Variants in ALDH1A2 observed in about 807,000 individuals in gnomAD.
ALDH1A2 encodes the protein aldehyde dehydrogenase 1 family member A2.
In ALDH1A2, 27 loss-of-function variants were observed where a neutral mutation model predicts 60.3. That is an observed-to-expected ratio of 0.45 (90% confidence interval 0.33 to 0.62). The LOEUF (loss-of-function observed/expected upper bound fraction) is 0.62, where lower values mean the gene tolerates loss of function less well. Among genes scored for constraint, ALDH1A2 ranks in the 20% least tolerant of loss-of-function variants. The pLI is 0.02. For missense variants in ALDH1A2, 581 were observed against 643.8 expected (o/e 0.90, Z 1.06); for synonymous variants, 289 against 232.4 (o/e 1.24, Z -2.21).
intron 1 of ALDH1A2, among the ~76,000 whole-genome samples, chr15:58,025,739 G>T (rs571117103): frequency 1.3e-5 from 2 of 152,170 alleles, no homozygotes; most frequent in Non-Finnish European, 2.9e-5. Context: ...TGAGAAGTAG[G>T]GTGCCAGCAT....
At chr15:57,962,264 T>G (rs1056020715) in intron 9 of ALDH1A2, 88 bp from the exon 10 acceptor site, 8 of 1,529,916 alleles carry the variant, frequency 5.2e-6, no homozygotes, top group Non-Finnish European at 6.3e-6. Flanking sequence ...CATTTTAGGG[T>G]TTTTTTCAAA....
chr15:58,052,736 A>G (rs1161299381), intron 1 of ALDH1A2, among the ~76,000 whole-genome samples: 3 of 152,186 alleles, frequency 2.0e-5, no homozygotes, highest in Non-Finnish European at 4.4e-5. Flanking sequence ...TAAGTGACAG[A>G]GCTGGGGTCA....
chr15:58,013,629 G>T (rs184885536), intron 3 of ALDH1A2, among the ~76,000 whole-genome samples: 1 of 152,096 alleles, frequency 6.6e-6, no homozygotes, highest in Non-Finnish European at 1.5e-5. Context: ...GCACGTGCAC[G>T]TAATCCCAGC....
chr15:58,005,082 G>T (rs1895405211), intron 4 of ALDH1A2, among the ~76,000 whole-genome samples: 1 of 151,690 alleles, frequency 6.6e-6, no homozygotes, highest in Non-Finnish European at 1.5e-5. Context: ...CCAGACTTGG[G>T]GCTCTACTGT....
chr15:58,061,598 A>AAAAAAG (rs1897035907), intron 1 of ALDH1A2, among the ~76,000 whole-genome samples: 7 of 143,344 alleles, frequency 4.9e-5, no homozygotes, highest in South Asian at 2.2e-4. Context: ...CTTCCCTCAA[A>AAAAAAG]AAAAAAAAAA....
chr15:58,040,572 C>G (rs1039690638), intron 1 of ALDH1A2, among the ~76,000 whole-genome samples: 1 of 151,838 alleles, frequency 6.6e-6, no homozygotes, highest in African/African-American at 2.4e-5. Flanking sequence ...GATGTAAATC[C>G]AAGTTCACAC....
At chr15:58,056,824 A>G (rs1178444215) in intron 1 of ALDH1A2, among the ~76,000 whole-genome samples, 2 of 152,136 alleles carry the variant, frequency 1.3e-5, no homozygotes, top group African/African-American at 4.8e-5. Flanking sequence ...AAATCAAAGT[A>G]GCAATGAGAT....
intron 1 of ALDH1A2, among the ~76,000 whole-genome samples, chr15:58,028,152 A>T (rs1407694501): frequency 2.6e-5 from 4 of 152,198 alleles, no homozygotes; most frequent in African/African-American, 9.7e-5. Context: ...GCCAGAGAGA[A>T]AGGTAAGGTT....
chr15:58,045,301 G>A (rs1157908071), intron 1 of ALDH1A2, among the ~76,000 whole-genome samples: 1 of 152,062 alleles, frequency 6.6e-6, no homozygotes, highest in African/African-American at 2.4e-5. Flanking sequence ...TGGTTGGAGT[G>A]TAAATTAGTT....
intron 1 of ALDH1A2, among the ~76,000 whole-genome samples, chr15:58,029,333 T>G (rs1394775048): frequency 2.6e-5 from 4 of 152,190 alleles, no homozygotes; most frequent in African/African-American, 9.7e-5. Flanking sequence ...ATAAAGATGT[T>G]CTTTGAAACC....
chr15:57,975,314 A>G (rs1185080393), intron 7 of ALDH1A2, among the ~76,000 whole-genome samples: 1 of 152,276 alleles, frequency 6.6e-6, no homozygotes, highest in East Asian at 1.9e-4. Flanking sequence ...CAGTGGCTGA[A>G]TGGATAAACA....
chr15:58,032,282 A>T (rs1896260454), intron 1 of ALDH1A2, among the ~76,000 whole-genome samples: 1 of 151,976 alleles, frequency 6.6e-6, no homozygotes, highest in African/African-American at 2.4e-5. Context: ...ACATGTTCTC[A>T]CTCATAGGTG....
At position 57,992,927 on chromosome 15, in the gene ALDH1A2, G is replaced by A. The variant is rs368104935; in HGVS notation, c.684+18C>T. 1.2e-5 allele frequency: 19 copies of A among 1,613,942 alleles called. No homozygotes were observed. The African/African-American group carries it at 1.2e-4, about 10-fold the overall frequency. On this transcript the variant is annotated intron_variant, in intron 6 of 12. Coordinates refer to ENST00000249750, the MANE Select transcript of ALDH1A2 (RefSeq NM_003888.4). ...TGTAAGGGGAGTCAGAAGCACTCCCGAAGTCCGTTTCTCTTACCTCCTTGA... is the reference window on the plus strand; with the variant it reads ...TGTAAGGGGAGTCAGAAGCACTCCCAAAGTCCGTTTCTCTTACCTCCTTGA...
In ALDH1A2 at chr15:58,033,886, T is replaced by C. The variant is rs143383212; in HGVS notation, c.118-19605A>G. On this transcript the variant is annotated intron_variant, in intron 1 of 12. Coordinates refer to ENST00000249750, the MANE Select transcript of ALDH1A2 (RefSeq NM_003888.4). Reference sequence around the variant, plus strand: ...GCCAGTACCATACTATCTTAATTACTGTAGCTTTACAGTAACTCTTCAAAT... The same window carrying C: ...GCCAGTACCATACTATCTTAATTACCGTAGCTTTACAGTAACTCTTCAAAT... 3.3e-5 allele frequency among the ~76,000 whole-genome samples: 5 copies of C among 151,586 alleles called. No homozygotes were observed. In the East Asian group the frequency reaches 9.7e-4, roughly 29 times the overall value.
intron 4 of ALDH1A2, among the ~76,000 whole-genome samples, chr15:58,005,186 C>G (rs970127164): frequency 4.6e-5 from 7 of 152,002 alleles, no homozygotes; most frequent in East Asian, 1.9e-4. Context: ...TGTAATGTCC[C>G]TGACTCCATG....
Position 57,960,760 on chromosome 15 carries a change from T to G in ALDH1A2, c.1484+10A>C, listed in dbSNP as rs189376070. The G allele has an allele frequency of 1.5e-3, 2,343 of 1,612,702 alleles. 28 individuals are homozygous for G. In the Admixed American group the frequency reaches 0.02, roughly 14 times the overall value. On this transcript the variant is annotated intron_variant, in intron 12 of 12. Transcript: ENST00000249750. ...ATTTCTCTGCAGGCATCAGCAACTT[T>G]AAGACTTACATTTCTCTCCCATTTC...
intron 1 of ALDH1A2, among the ~76,000 whole-genome samples, chr15:58,051,004 C>T (rs992518372): frequency 4.6e-5 from 7 of 152,066 alleles, no homozygotes; most frequent in African/African-American, 1.4e-4. Context: ...TTGCTTGTGA[C>T]GGTAAACAAA....
intron 1 of ALDH1A2, 64 bp downstream of exon 1, chr15:58,065,470 T>C: frequency 1.4e-6 from 2 of 1,381,544 alleles, no homozygotes; most frequent in Non-Finnish European, 1.0e-6. Flanking sequence ...GCTGAAGAGA[T>C]CGGGGAAACC....
Position 58,000,415 on chromosome 15 carries a change from C to T in ALDH1A2, c.494-5276G>A, listed in dbSNP as rs1461125224. 4.6e-5 allele frequency among the ~76,000 whole-genome samples: 7 copies of T among 151,902 alleles called. No individual in the cohort carries two copies. The East Asian group carries it at 9.7e-4, about 21-fold the overall frequency. The stretch of plus-strand genomic sequence containing the variant: ...CACTGAACTTCTAAATCAGGGTTAC[C>T]GTAAGACCAGTTATAAAAGCCATCT... On this transcript the variant is annotated intron_variant, in intron 4 of 12. Coordinates refer to ENST00000249750, the MANE Select transcript of ALDH1A2 (RefSeq NM_003888.4).
Sources: gnomAD v4.1 joint callset for allele counts (sites outside exome capture counted in the v4.1 genomes callset) on GRCh38, gnomAD v4.1.1 for gene constraint, MANE v1.5 for transcripts, NCBI Gene and HGNC (gene_info 2026-07-23, HGNC 2026-07-21) for gene names.